The following CD38 variants were observed in gnomAD, a reference collection of about 807,000 sequenced individuals.
The protein encoded by CD38 is ADP-ribosyl cyclase/cyclic ADP-ribose hydrolase 1.
CD38 carries 31 observed loss-of-function variants against 36.3 expected under a neutral mutation model. The ratio of observed to expected loss-of-function variants is 0.85; its 90% CI spans 0.64 to 1.15. The LOEUF is 1.15. Among genes scored for constraint, CD38 ranks in the 50% most tolerant of loss-of-function variants. The pLI, the probability that CD38 is intolerant of heterozygous loss-of-function variation, is 0.00. For missense variants in CD38, 380 were observed against 371.9 expected (o/e 1.02, Z -0.18); for synonymous variants, 131 against 135.2 (o/e 0.97, Z 0.22).
chr4:15,780,952 T>C (rs953700954), intron 1 of CD38, among the ~76,000 whole-genome samples: 9 of 151,944 alleles, frequency 5.9e-5, no homozygotes, highest in African/African-American at 2.2e-4. Context: ...CTACTAAAAA[T>C]ACAAAATTAG....
At chr4:15,788,964 C>T (rs1722897106) in intron 1 of CD38, among the ~76,000 whole-genome samples, 1 of 152,092 alleles carries the variant, frequency 6.6e-6, no homozygotes, top group Non-Finnish European at 1.5e-5. Flanking sequence ...AAAAGATCTC[C>T]AAGTTACCAT....
chr4:15,796,863 T>C (rs1486175534), intron 1 of CD38, among the ~76,000 whole-genome samples: 1 of 152,188 alleles, frequency 6.6e-6, no homozygotes, highest in Non-Finnish European at 1.5e-5. Context: ...TTTACTATAC[T>C]TTGGACTTGT....
At chr4:15,838,060 C>T (rs375774131) in intron 4 of CD38, 32 bp from the exon 5 acceptor site, 2 of 1,571,720 alleles carry the variant, frequency 1.3e-6, no homozygotes, top group Non-Finnish European at 1.7e-6. Context: ...ATTAAGTTTG[C>T]ATGATGAATG....
At position 15,790,214 on chromosome 4, in the gene CD38, G is replaced by A. The variant is rs376808119; in HGVS notation, c.233+11567G>A. 3.1e-4 allele frequency among the ~76,000 whole-genome samples: 43 copies of A among 139,458 alleles called. No homozygotes were observed. The East Asian group carries it at 8.3e-3, about 27-fold the overall frequency. The allele number at this position is 139,458 out of a possible 152,430, so 91.5% of individuals were successfully genotyped here. On this transcript the variant is annotated intron_variant, in intron 1 of 7. Coordinates refer to ENST00000226279, the MANE Select transcript of CD38 (RefSeq NM_001775.4). ...CTCTCTCTCCACGGTCTCCTTCCAC[G>A]GTCTCCCTCTGATGCCGAGCCAAAG...
intron 6 of CD38, 139 bp downstream of exon 6, chr4:15,840,257 T>G: frequency 1.4e-6 from 1 of 737,880 alleles, no homozygotes; most frequent in Non-Finnish European, 2.4e-6. Context: ...AACAGCCTCT[T>G]AACTTTATCT....
intron 1 of CD38, among the ~76,000 whole-genome samples, chr4:15,812,625 T>C (rs562573554): frequency 6.6e-6 from 1 of 152,236 alleles, no homozygotes; most frequent in African/African-American, 2.4e-5. Context: ...ATTTGAACCC[T>C]GGAGGCAGAG....
At position 15,834,265 on chromosome 4, in the gene CD38, A is replaced by G. The variant is rs1577658569; in HGVS notation, c.548A>G (p.Asn183Ser). ...CPDWRKDCSNNPVSVFWKTVS... is the reference protein window; with the variant it reads ...CPDWRKDCSNSPVSVFWKTVS... ...GACTGGAGAAAGGACTGCAGCAACA[A>G]CCCTGTTTCAGTATTCTGGAAAACG... The change falls in exon 4 of 8, where the codon AAC becomes AGC. Residue 183 changes from asparagine (N) to serine (S), a missense_variant. Physicochemically the swap from Asn to Ser is conservative, Grantham distance 46. Coordinates refer to ENST00000226279, the MANE Select transcript of CD38 (RefSeq NM_001775.4). 6.2e-7 allele frequency: 1 copy of G among 1,613,186 alleles called. No individual in the cohort carries two copies. Among genetic ancestry groups the G allele is most frequent in the East Asian group, 2.2e-5 (1 of 44,864 alleles).
intron 2 of CD38, among the ~76,000 whole-genome samples, chr4:15,819,463 G>C (rs1444123414): frequency 6.6e-6 from 1 of 151,706 alleles, no homozygotes; most frequent in Non-Finnish European, 1.5e-5. Context: ...TGAGCTGAAG[G>C]AGTATATTCT....
intron 1 of CD38, among the ~76,000 whole-genome samples, chr4:15,780,140 G>A (rs1722658707): frequency 6.6e-6 from 1 of 152,188 alleles, no homozygotes; most frequent in African/African-American, 2.4e-5. Flanking sequence ...ATTTCTGTAG[G>A]ATAGATTTCT....
intron 3 of CD38, among the ~76,000 whole-genome samples, chr4:15,827,485 T>A (rs926575134): frequency 1.3e-5 from 2 of 152,200 alleles, no homozygotes; most frequent in African/African-American, 4.8e-5. Flanking sequence ...TAGATCTGAG[T>A]CTTCCCACCT....
At chr4:15,781,993 T>C (rs1560304253) in intron 1 of CD38, among the ~76,000 whole-genome samples, 1 of 152,220 alleles carries the variant, frequency 6.6e-6, no homozygotes, top group Non-Finnish European at 1.5e-5. Context: ...ATCTGCAACA[T>C]TGTCTTGGCA....
chr4:15,785,591 T>C (rs3796875), intron 1 of CD38, among the ~76,000 whole-genome samples: 64,594 of 151,408 alleles, frequency 0.43, 15,876 homozygotes, highest in African/African-American at 0.69. Context: ...TCTTCCTTTC[T>C]TCTTTGTCTT....
chr4:15,826,459 G>GCGCACACACACA (rs1553874528), intron 3 of CD38, among the ~76,000 whole-genome samples: 4 of 146,346 alleles, frequency 2.7e-5, no homozygotes, highest in African/African-American at 5.0e-5. Context: ...ACTTTTGTGC[G>GCGCACACACACA]CACACACACA....
At chr4:15,848,350 G>GT (rs1158016245) in intron 7 of CD38, among the ~76,000 whole-genome samples, 189 bp from the exon 8 acceptor site, 1 of 152,080 alleles carries the variant, frequency 6.6e-6, no homozygotes, top group East Asian at 1.9e-4. Flanking sequence ...TGCTCCTGCT[G>GT]TTTTTTTGAC....
chr4:15,789,558 C>T (rs1016007656), intron 1 of CD38, among the ~76,000 whole-genome samples: 2 of 152,134 alleles, frequency 1.3e-5, no homozygotes, highest in Admixed American at 6.5e-5. Flanking sequence ...TTTGTCCCCT[C>T]CAAAACTCAT....
At chr4:15,784,991 G>A (rs977612973) in intron 1 of CD38, among the ~76,000 whole-genome samples, 1 of 152,052 alleles carries the variant, frequency 6.6e-6, no homozygotes, top group African/African-American at 2.4e-5. Context: ...GGGAGGCGGA[G>A]GTTGCAATGA....
chr4:15,803,149 C>T lies in CD38; in HGVS notation c.234-13362C>T, dbSNP rs1286265298. On this transcript the variant is annotated intron_variant, in intron 1 of 7. Coordinates refer to ENST00000226279, the MANE Select transcript of CD38 (RefSeq NM_001775.4). ...CATAATATAAAAAAGTAACTCAAAA[C>T]GAATCAAAGACTTAAGTGTAAGACC... Among the ~76,000 whole-genome samples the T allele has an allele frequency of 3.9e-5, 6 of 152,110 alleles. No individual in the cohort carries two copies. The East Asian group carries it at 7.7e-4, about 20-fold the overall frequency.
At chr4:15,787,418 C>G (rs1173590347) in intron 1 of CD38, among the ~76,000 whole-genome samples, 1 of 152,206 alleles carries the variant, frequency 6.6e-6, no homozygotes, top group South Asian at 2.1e-4. Flanking sequence ...TCCAGGGTCT[C>G]TTCCTCCACC....
intron 1 of CD38, among the ~76,000 whole-genome samples, chr4:15,813,271 A>T (rs896732593): frequency 6.6e-6 from 1 of 151,948 alleles, no homozygotes; most frequent in Non-Finnish European, 1.5e-5. Context: ...GATGAATTTT[A>T]TCAGGTTGAG....
Sources: gnomAD v4.1 joint callset for allele counts (sites outside exome capture counted in the v4.1 genomes callset) on GRCh38, gnomAD v4.1.1 for gene constraint, MANE v1.5 for transcripts, NCBI Gene and HGNC (gene_info 2026-07-23, HGNC 2026-07-21) for gene names.